Variants in CMIP observed in about 807,000 individuals in gnomAD.
CMIP encodes the protein C-Maf-inducing protein.
In CMIP, 13 loss-of-function variants were observed where a neutral mutation model predicts 97.3. The ratio of observed to expected loss-of-function variants is 0.13; its 90% CI spans 0.09 to 0.21. The LOEUF is 0.21. Ranked by LOEUF, CMIP falls within the 10% of genes least tolerant of loss-of-function variation. The probability of loss-of-function intolerance (pLI) is 1.00; values close to 1 mark genes in which losing one functional copy is unlikely to be tolerated. For synonymous variants in CMIP, 538 were observed against 436.3 expected (o/e 1.23, Z -2.91); for missense variants, 847 against 1,024.9 (o/e 0.83, Z 2.37).
At chr16:81,564,500 A>G (rs2966119) in intron 1 of CMIP, among the ~76,000 whole-genome samples, 119,532 of 152,164 alleles carry the variant, frequency 0.79, 47,439 homozygotes, top group Non-Finnish European at 0.86. Context: ...AATCCCCTAG[A>G]GTTGATGTGG....
chr16:81,597,864 G>A (rs778289440), intron 1 of CMIP, among the ~76,000 whole-genome samples: 1 of 152,056 alleles, frequency 6.6e-6, no homozygotes, highest in Non-Finnish European at 1.5e-5. Context: ...CTCCCCCCCA[G>A]CTTGATGGCT....
At chr16:81,482,639 C>G (rs1362325630) in intron 1 of CMIP, among the ~76,000 whole-genome samples, 2 of 152,198 alleles carry the variant, frequency 1.3e-5, no homozygotes, top group Non-Finnish European at 2.9e-5. Flanking sequence ...CACCTAGGAG[C>G]TTCCCTTTCA....
intron 1 of CMIP, among the ~76,000 whole-genome samples, chr16:81,578,137 A>G: frequency 6.6e-6 from 1 of 151,914 alleles, no homozygotes; most frequent in Non-Finnish European, 1.5e-5. Flanking sequence ...CATCACCATC[A>G]TCACCATCAC....
chr16:81,474,718 C>T (rs1050314640), intron 1 of CMIP, among the ~76,000 whole-genome samples: 1 of 152,242 alleles, frequency 6.6e-6, no homozygotes, highest in East Asian at 1.9e-4. Context: ...GTGCTCATGG[C>T]GCCCTCCTCC....
chr16:81,517,452 A>T (rs542010408), intron 1 of CMIP, among the ~76,000 whole-genome samples: 1 of 152,400 alleles, frequency 6.6e-6, no homozygotes, highest in South Asian at 2.1e-4. Flanking sequence ...ACACAAATGC[A>T]TAACACAAAG....
chr16:81,477,995 A>G (rs1908032482), intron 1 of CMIP, among the ~76,000 whole-genome samples: 2 of 152,232 alleles, frequency 1.3e-5, no homozygotes. Flanking sequence ...AGCATCTGGG[A>G]AATGTAAGTG....
At chr16:81,457,905 G>A (rs972337883) in intron 1 of CMIP, among the ~76,000 whole-genome samples, 1 of 152,210 alleles carries the variant, frequency 6.6e-6, no homozygotes, top group African/African-American at 2.4e-5. Context: ...GCTGGCCTGG[G>A]CGTTGGCAAG....
chr16:81,524,763 T>C (rs2090095923), intron 1 of CMIP, among the ~76,000 whole-genome samples: 3 of 152,142 alleles, frequency 2.0e-5, no homozygotes, highest in Admixed American at 1.3e-4. Flanking sequence ...CGCCTTCCCA[T>C]GTTCTGCAGG....
intron 1 of CMIP, among the ~76,000 whole-genome samples, chr16:81,529,684 G>A (rs572965280): frequency 2.0e-5 from 3 of 152,302 alleles, no homozygotes; most frequent in Admixed American, 1.3e-4. Flanking sequence ...AGGGAGGTGG[G>A]AGAGTCTGAG....
chr16:81,572,736 A>T (rs886452785), intron 1 of CMIP, among the ~76,000 whole-genome samples: 1 of 152,142 alleles, frequency 6.6e-6, no homozygotes, highest in Non-Finnish European at 1.5e-5. Flanking sequence ...CCACAGTCCC[A>T]GAGTCAGTGG....
intron 2 of CMIP, among the ~76,000 whole-genome samples, chr16:81,617,855 G>A (rs1337413009): frequency 6.6e-6 from 1 of 152,264 alleles, no homozygotes; most frequent in Non-Finnish European, 1.5e-5. Flanking sequence ...GTGGTAGGTA[G>A]AGCATGCGTG....
chr16:81,643,602 C>T (rs2092331019), intron 3 of CMIP, among the ~76,000 whole-genome samples: 1 of 151,990 alleles, frequency 6.6e-6, no homozygotes, highest in African/African-American at 2.4e-5. Flanking sequence ...CCAGCCTGGC[C>T]AACATGGTGT....
chr16:81,551,824 G>A (rs1315404046), intron 1 of CMIP, among the ~76,000 whole-genome samples: 1 of 152,228 alleles, frequency 6.6e-6, no homozygotes, highest in Non-Finnish European at 1.5e-5. Context: ...GCATGTGGGT[G>A]ACAGCTCCTG....
intron 15 of CMIP, among the ~76,000 whole-genome samples, chr16:81,701,056 A>T (rs576256722): frequency 3.3e-4 from 50 of 151,774 alleles, no homozygotes; most frequent in African/African-American, 1.2e-3. Flanking sequence ...ATGCTGAGGT[A>T]GGAGGATCAC....
chr16:81,511,791 G>A (rs2089815408), intron 1 of CMIP, among the ~76,000 whole-genome samples: 1 of 152,020 alleles, frequency 6.6e-6, no homozygotes, highest in South Asian at 2.1e-4. Context: ...CGAACTCCTG[G>A]GCTCAAGTGA....
intron 3 of CMIP, among the ~76,000 whole-genome samples, chr16:81,643,139 TCTC>T (rs1279622945): frequency 6.6e-6 from 1 of 152,112 alleles, no homozygotes; most frequent in African/African-American, 2.4e-5. Flanking sequence ...GAACCTCTCC[TCTC>T]CTCTGTAACA....
chr16:81,445,209 T>TAC lies in CMIP; in HGVS notation c.-33_-32insAC. 1.5e-6 allele frequency: 2 copies of TAC among 1,356,800 alleles called. No individual in the cohort carries two copies. Among genetic ancestry groups the TAC allele is most frequent in the East Asian group, 2.7e-5 (1 of 37,244 alleles). 84.0% of individuals were successfully genotyped at this position (1,356,800 alleles called of 1,614,324 possible). ...CCCAGCAGCCCAGGACAGCCCCCTCTCCCCGCCCCCAGCCCCCTCCCCCGG... is the reference window on the plus strand; with the variant it reads ...CCCAGCAGCCCAGGACAGCCCCCTCTACCCCCGCCCCCAGCCCCCTCCCCCGG... On this transcript the variant is annotated 5_prime_UTR_variant, in exon 1 of 21. Transcript: ENST00000537098.
chr16:81,516,744 G>C (rs2089921853), intron 1 of CMIP, among the ~76,000 whole-genome samples: 1 of 152,188 alleles, frequency 6.6e-6, no homozygotes, highest in Admixed American at 6.5e-5. Context: ...CACTGTGTCT[G>C]GGATGCCTGG....
chr16:81,679,377 G>A (rs1361642801), intron 10 of CMIP, among the ~76,000 whole-genome samples: 1 of 152,088 alleles, frequency 6.6e-6, no homozygotes. Context: ...GTGCTGTAGG[G>A]TTAGAGAGCA....
Sources: allele counts gnomAD v4.1 joint callset (sites outside exome capture counted in the v4.1 genomes callset), GRCh38; gene constraint gnomAD v4.1.1; transcripts MANE v1.5; gene names NCBI Gene and HGNC (gene_info 2026-07-23, HGNC 2026-07-21).